The following AMD1 variants were observed in gnomAD, a reference collection of about 807,000 sequenced individuals.
AMD1 encodes the protein S-adenosylmethionine decarboxylase proenzyme.
Under a neutral mutation model 40.2 loss-of-function variants are expected in AMD1, and 11 were observed. The observed-to-expected ratio is 0.27, with a 90% CI of 0.17 to 0.45. The LOEUF (loss-of-function observed/expected upper bound fraction) is 0.45, where lower values mean the gene tolerates loss of function less well. Ranked by LOEUF, AMD1 falls within the 20% of genes least tolerant of loss-of-function variation. AMD1 has a pLI of 1.00. For synonymous variants in AMD1, 121 were observed against 130.8 expected (o/e 0.93, Z 0.51); for missense variants, 257 against 410.2 (o/e 0.63, Z 3.23).
the AMD1 span, among the ~76,000 whole-genome samples, chr6:110,844,334 T>A: frequency 6.6e-6 from 1 of 151,960 alleles, no homozygotes; most frequent in African/African-American, 2.4e-5. Flanking sequence ...GTTTTTGTAT[T>A]TTTAGTAGAG....
At chr6:110,814,927 T>C in the AMD1 span, 25 of 1,574,014 alleles carry the variant, frequency 1.6e-5, no homozygotes, top group Middle Eastern at 1.7e-4. Context: ...ACGGCCCGAC[T>C]GGGATCCGAC....
chr6:110,835,314 G>A, the AMD1 span, among the ~76,000 whole-genome samples: 5 of 151,992 alleles, frequency 3.3e-5, no homozygotes, highest in South Asian at 2.1e-4. Flanking sequence ...CACCGCACCC[G>A]GCCTGTGGAT....
chr6:110,848,083 A>C, the AMD1 span, among the ~76,000 whole-genome samples: 1 of 152,084 alleles, frequency 6.6e-6, no homozygotes, highest in Non-Finnish European at 1.5e-5. Flanking sequence ...TGTGAAGTCA[A>C]CACAAGTAAC....
the AMD1 span, among the ~76,000 whole-genome samples, chr6:110,826,888 C>G: frequency 6.6e-6 from 1 of 151,948 alleles, no homozygotes; most frequent in Non-Finnish European, 1.5e-5. Flanking sequence ...GACAGGGTTT[C>G]ACCATATTGG....
the AMD1 span, among the ~76,000 whole-genome samples, chr6:110,824,222 C>T: frequency 2.0e-4 from 30 of 152,246 alleles, no homozygotes; most frequent in African/African-American, 7.0e-4. Flanking sequence ...ATATATACGC[C>T]ATGGAATACC....
At chr6:110,890,108 A>C (rs776555940) in intron 3 of AMD1, 146 bp from the exon 4 acceptor site, 2 of 600,648 alleles carry the variant, frequency 3.3e-6, no homozygotes, top group Non-Finnish European at 5.8e-6. Flanking sequence ...GACTACAGGC[A>C]TATGCTACCA....
At chr6:110,850,710 C>A in the AMD1 span, among the ~76,000 whole-genome samples, 1 of 151,998 alleles carries the variant, frequency 6.6e-6, no homozygotes, top group Non-Finnish European at 1.5e-5. Flanking sequence ...CAAATTTTAC[C>A]AATACAAGGC....
chr6:110,847,806 G>A, the AMD1 span, among the ~76,000 whole-genome samples: 12 of 150,652 alleles, frequency 8.0e-5, no homozygotes, highest in African/African-American at 2.4e-4. Context: ...CCACCTCCCC[G>A]GCTCGAGCAA....
In AMD1 at chr6:110,890,334, G is replaced by A. The variant is rs757333872; in HGVS notation, c.405G>A (p.Glu135=). The A allele has an allele frequency of 1.9e-6, 3 of 1,596,148 alleles. No homozygotes were observed. Among genetic ancestry groups the A allele is most frequent in the Admixed American group, 1.8e-5 (1 of 55,274 alleles). The change falls in exon 4 of 9, where the codon GAG becomes GAA. Residue 135 remains glutamate, a synonymous_variant. Transcript: ENST00000368885. Reference sequence around the variant, plus strand: ...ACCGGAATTTCCAGGAAGAAATAGAGTTTCTTAATGCAATTTTCCCAAGTA... The same window carrying A: ...ACCGGAATTTCCAGGAAGAAATAGAATTTCTTAATGCAATTTTCCCAAGTA... The part of the protein sequence containing the change: ...YPHRNFQEEI[E]FLNAIFPNGA...
rs1382868284 is a variant in AMD1 at position 110,894,123 on chromosome 6, T to G, written c.*507T>G. ...AATGTTATTGAAACCAATTTCTACT[T>G]CATACTGATGTTTTTGGAAACAGCA... On this transcript the variant is annotated 3_prime_UTR_variant, in exon 9 of 9. Transcript: ENST00000368885. 6.5e-6 allele frequency: 1 copy of G among 152,884 alleles called. No individual in the cohort carries two copies. Among genetic ancestry groups the G allele is most frequent in the Non-Finnish European group, 1.5e-5 (1 of 68,184 alleles). The allele number at this position is 152,884 out of a possible 1,614,324, so 9.5% of individuals were successfully genotyped here. A position where few individuals can be genotyped will look rare whatever the true frequency, so the allele number is the denominator to read the frequency against.
At chr6:110,863,371 C>CTTT in the AMD1 span, among the ~76,000 whole-genome samples, 1 of 127,794 alleles carries the variant, frequency 7.8e-6, no homozygotes, top group African/African-American at 2.9e-5. Flanking sequence ...ATTCTGCTTG[C>CTTT]TTTTTTTTTT....
the AMD1 span, among the ~76,000 whole-genome samples, chr6:110,825,962 T>C: frequency 1.7e-4 from 25 of 151,022 alleles, 1 homozygote; most frequent in East Asian, 3.3e-3. Flanking sequence ...GAGACGGGAG[T>C]TTGAGACCAG....
the AMD1 span, among the ~76,000 whole-genome samples, chr6:110,842,978 C>T: frequency 6.6e-6 from 1 of 151,902 alleles, no homozygotes; most frequent in Non-Finnish European, 1.5e-5. Context: ...ACTAAAAATA[C>T]AAAAATTAGC....
the AMD1 span, among the ~76,000 whole-genome samples, chr6:110,859,528 C>T: frequency 4.6e-5 from 7 of 152,274 alleles, no homozygotes; most frequent in African/African-American, 1.2e-4. Context: ...TTTCTGTACC[C>T]GCAAAAGTTT....
chr6:110,815,277 C>T, the AMD1 span: 1 of 964,844 alleles, frequency 1.0e-6, no homozygotes, highest in African/African-American at 1.7e-5. Context: ...GCCCGCCGCT[C>T]CGCGGTCCGC....
chr6:110,833,139 C>T, the AMD1 span, among the ~76,000 whole-genome samples: 1 of 152,094 alleles, frequency 6.6e-6, no homozygotes, highest in Admixed American at 6.6e-5. Flanking sequence ...TATTTTTAAC[C>T]AGAAGCAAGA....
At chr6:110,848,357 A>G in the AMD1 span, among the ~76,000 whole-genome samples, 1 of 151,994 alleles carries the variant, frequency 6.6e-6, no homozygotes, top group Non-Finnish European at 1.5e-5. Context: ...CACTGTCTCT[A>G]CTAAAAATAC....
At chr6:110,885,264 A>G (rs80204430) in intron 1 of AMD1, among the ~76,000 whole-genome samples, 5,362 of 151,994 alleles carry the variant, frequency 0.035, 347 homozygotes, top group East Asian at 0.32. Context: ...GACGCCCACC[A>G]CTACGCCCAG....
the AMD1 span, among the ~76,000 whole-genome samples, chr6:110,862,431 T>A: frequency 2.4e-3 from 365 of 151,592 alleles, no homozygotes; most frequent in African/African-American, 8.6e-3. Flanking sequence ...TCCTGCATTA[T>A]TTCTGTTTCC....
Sources: gnomAD v4.1 joint callset for allele counts (sites outside exome capture counted in the v4.1 genomes callset) on GRCh38, gnomAD v4.1.1 for gene constraint, MANE v1.5 for transcripts, NCBI Gene and HGNC (gene_info 2026-07-23, HGNC 2026-07-21) for gene names.